C8orf88: variants seen among roughly 807,000 people sequenced by gnomAD.
C8orf88 encodes the protein chromosome 8 open reading frame 88, also known as uncharacterized protein C8orf88.
Under a neutral mutation model 18.4 loss-of-function variants are expected in C8orf88, and 14 were observed. The observed-to-expected ratio is 0.76, with a 90% CI of 0.50 to 1.19. C8orf88 has a LOEUF of 1.19. Among genes scored for constraint, C8orf88 ranks in the 50% most tolerant of loss-of-function variants. C8orf88 has a pLI of 0.00. For synonymous variants in C8orf88, 45 were observed against 42.9 expected, an observed-to-expected ratio of 1.05 and a Z score of -0.19; for missense variants, 116 against 134.7, an observed-to-expected ratio of 0.86 and a Z score of 0.69.
chr8:90,969,755 A>G (rs1262829316), intron 4 of C8orf88, among the ~76,000 whole-genome samples: 1 of 151,918 alleles, frequency 6.6e-6, no homozygotes, highest in Non-Finnish European at 1.5e-5. Context: ...AAGCCATTTA[A>G]TTGTACATTT....
chr8:90,969,847 A>G (rs1424501300), intron 4 of C8orf88, among the ~76,000 whole-genome samples: 1 of 151,908 alleles, frequency 6.6e-6, no homozygotes, highest in Admixed American at 6.6e-5. Flanking sequence ...GGGATATCCC[A>G]AGATAATAAC....
rs145151627 is a variant in C8orf88, at chr8:90,969,164, G to A, written c.223+1902C>T. 1.9e-3 allele frequency among the ~76,000 whole-genome samples: 284 copies of A among 151,898 alleles called. 2 individuals are homozygous for A. Among genetic ancestry groups the A allele is most frequent in the African/African-American group, 6.6e-3 (275 of 41,496 alleles). ...CAAGTGTTGAAACAAAAACTTGTAC[G>A]CAAATGTCCACAGCAATATTATTCA... On this transcript the variant is annotated intron_variant, in intron 4 of 5. Transcript: ENST00000517562.
chr8:90,984,635 C>CTA (rs1811479073), intron 1 of C8orf88, among the ~76,000 whole-genome samples: 1 of 152,066 alleles, frequency 6.6e-6, no homozygotes, highest in African/African-American at 2.4e-5. Flanking sequence ...TTCGGATGGG[C>CTA]TAAAGCTGTC....
rs182584843 is a variant in C8orf88, at chr8:90,968,687, C to T, written c.223+2379G>A. On this transcript the variant is annotated intron_variant, in intron 4 of 5. Coordinates refer to ENST00000517562, the MANE Select transcript of C8orf88 (RefSeq NM_001190972.2). ...ATATATATATATATATATATATATG[C>T]ACACACTGGAAGGAGAATGGTGGCA... 6.9e-3 allele frequency among the ~76,000 whole-genome samples: 231 copies of T among 33,604 alleles called. 12 individuals are homozygous for T. Among genetic ancestry groups the T allele is most frequent in the Non-Finnish European group, 0.013 (180 of 13,592 alleles). The allele number at this position is 33,604 out of a possible 152,430, so 22.0% of individuals were successfully genotyped here.
chr8:90,970,096 A>C (rs1424654895), intron 4 of C8orf88, among the ~76,000 whole-genome samples: 1 of 151,944 alleles, frequency 6.6e-6, no homozygotes, highest in Non-Finnish European at 1.5e-5. Flanking sequence ...AAAAAACAAT[A>C]AACTGTATGA....
chr8:90,959,696 C>T (rs961196447), intron 5 of C8orf88, among the ~76,000 whole-genome samples: 1 of 151,180 alleles, frequency 6.6e-6, no homozygotes, highest in African/African-American at 2.4e-5. Flanking sequence ...GAAAAAAATA[C>T]TATGAATTCC....
intron 4 of C8orf88, among the ~76,000 whole-genome samples, chr8:90,961,334 C>T (rs978047552): frequency 6.6e-6 from 1 of 150,878 alleles, no homozygotes; most frequent in Non-Finnish European, 1.5e-5. Flanking sequence ...AAGATAGGGC[C>T]CCTATCTTCA....
chr8:90,959,494 G>C (rs184001653), intron 5 of C8orf88: 1 of 151,272 alleles, frequency 6.6e-6, no homozygotes, highest in Non-Finnish European at 1.5e-5. Context: ...TCTTTGAACC[G>C]GTGGGAAAGT....
At position 90,958,897 on chromosome 8, in the gene C8orf88, A is replaced by G; in HGVS notation, c.*110T>C. The G allele has an allele frequency of 6.3e-6, 4 of 638,474 alleles. No homozygotes were observed. Among genetic ancestry groups the G allele is most frequent in the Non-Finnish European group, 1.0e-5 (4 of 390,656 alleles). 39.6% of individuals were successfully genotyped at this position (638,474 alleles called of 1,614,324 possible). ...TCATTTTTAGAGAAGTCAAATAGCC[A>G]ACCATCAAAATTAAGAATAAATTGA... is the stretch of plus-strand genomic sequence containing the variant. On this transcript the variant is annotated 3_prime_UTR_variant, in exon 6 of 6. Coordinates refer to ENST00000517562, the MANE Select transcript of C8orf88 (RefSeq NM_001190972.2).
At chr8:90,969,440 A>G (rs1811253297) in intron 4 of C8orf88, among the ~76,000 whole-genome samples, 1 of 151,910 alleles carries the variant, frequency 6.6e-6, no homozygotes, top group African/African-American at 2.4e-5. Flanking sequence ...ATCATTACAC[A>G]TTGTACATAG....
Position 90,958,998 on chromosome 8 carries a change from C to G in C8orf88, c.*9G>C. ...ATGTCCAAACTTAAATTCATCTGTT[C>G]TTAAAATGCTACTTAAAACTTTGGT... is the stretch of plus-strand genomic sequence containing the variant. On this transcript the variant is annotated 3_prime_UTR_variant, in exon 6 of 6. Coordinates refer to ENST00000517562, the MANE Select transcript of C8orf88 (RefSeq NM_001190972.2). 7.1e-7 allele frequency: 1 copy of G among 1,408,426 alleles called. No individual in the cohort carries two copies. The highest frequency in any genetic ancestry group is 9.5e-7 in the Non-Finnish European group (1 of 1,052,794). The allele number at this position is 1,408,426 out of a possible 1,614,324, so 87.2% of individuals were successfully genotyped here. A position where few individuals can be genotyped will look rare whatever the true frequency, so the allele number is the denominator to read the frequency against.
At chr8:90,964,951 T>G (rs1369044808) in intron 4 of C8orf88, among the ~76,000 whole-genome samples, 4 of 151,092 alleles carry the variant, frequency 2.6e-5, no homozygotes, top group Non-Finnish European at 5.9e-5. Flanking sequence ...AAAAATATAA[T>G]GGAGGAATTA....
chr8:90,971,273 A>T (rs1210772043), intron 3 of C8orf88, 132 bp from the exon 4 acceptor site: 2 of 420,574 alleles, frequency 4.8e-6, no homozygotes, highest in African/African-American at 4.1e-5. Context: ...AATCATTATA[A>T]GTCTGCTTAT....
At position 90,958,635 on chromosome 8, in the gene C8orf88, T is replaced by A. The variant is rs142571807; in HGVS notation, c.*372A>T. On this transcript the variant is annotated 3_prime_UTR_variant, in exon 6 of 6. Coordinates refer to ENST00000517562, the MANE Select transcript of C8orf88 (RefSeq NM_001190972.2). ...AAGCAACAAGCAATTATGTACCATA[T>A]ATACACTGTAGCAAATATTTTATAT... is the stretch of plus-strand genomic sequence containing the variant. The A allele has an allele frequency of 5.3e-3, 1,227 of 231,568 alleles. 5 individuals carry two copies. Among genetic ancestry groups the A allele is most frequent in the Middle Eastern group, 7.7e-3 (5 of 652 alleles). The allele number at this position is 231,568 out of a possible 1,614,324, so 14.3% of individuals were successfully genotyped here. A position where few individuals can be genotyped will look rare whatever the true frequency, so the allele number is the denominator to read the frequency against.
chr8:90,976,141 T>C (rs1173318823), intron 3 of C8orf88, among the ~76,000 whole-genome samples: 1 of 152,006 alleles, frequency 6.6e-6, no homozygotes, highest in African/African-American at 2.4e-5. Context: ...GTGTTAAGTG[T>C]AAGTGGTAAA....
intron 1 of C8orf88, among the ~76,000 whole-genome samples, chr8:90,983,059 T>C (rs1811455639): frequency 6.6e-6 from 1 of 152,088 alleles, no homozygotes; most frequent in African/African-American, 2.4e-5. Flanking sequence ...ATCCATGGAA[T>C]GTAGAGATCA....
Position 90,976,441 on chromosome 8 carries a change from T to A in C8orf88, c.147+2138A>T, listed in dbSNP as rs539668503. Among the ~76,000 whole-genome samples the A allele has an allele frequency of 5.8e-4, 89 of 152,226 alleles. 5 individuals carry two copies. The South Asian group carries it at 0.018, about 30-fold the overall frequency. ...TAAAACTGCAATGTTAACATATTAA[T>A]TTTTTACATATAAAGTGAAAGAAGG... On this transcript the variant is annotated intron_variant, in intron 3 of 5. Transcript: ENST00000517562.
chr8:90,973,656 A>G (rs776356205), intron 3 of C8orf88, among the ~76,000 whole-genome samples: 2 of 151,916 alleles, frequency 1.3e-5, no homozygotes, highest in Non-Finnish European at 2.9e-5. Flanking sequence ...CTACTTTTCA[A>G]AAGTTTTTGT....
At chr8:90,960,613 G>T in intron 5 of C8orf88, 129 bp downstream of exon 5, 2 of 478,466 alleles carry the variant, frequency 4.2e-6, no homozygotes. Context: ...TTAGATTTTT[G>T]TAGTTTTCTG....
Sources: gnomAD v4.1 joint callset for allele counts (sites outside exome capture counted in the v4.1 genomes callset) on GRCh38, gnomAD v4.1.1 for gene constraint, MANE v1.5 for transcripts, NCBI Gene and HGNC (gene_info 2026-07-23, HGNC 2026-07-21) for gene names.